GLB1L3: variants seen among roughly 807,000 people sequenced by gnomAD.
The protein encoded by GLB1L3 is beta-galactosidase-1-like protein 3.
In GLB1L3, 89 loss-of-function variants were observed where a neutral mutation model predicts 89.5. The ratio of observed to expected loss-of-function variants is 0.99; its 90% CI spans 0.84 to 1.19. The LOEUF is 1.19. Among genes scored for constraint, GLB1L3 ranks in the 50% most tolerant of loss-of-function variants. GLB1L3 has a pLI of 0.00. For synonymous variants in GLB1L3, 314 were observed against 312.3 expected, an observed-to-expected ratio of 1.01 and a Z score of -0.06; for missense variants, 812 against 813.3, an observed-to-expected ratio of 1.00 and a Z score of 0.02.
At chr11:134,277,542 C>T (rs1591526854) in intron 2 of GLB1L3, 91 bp downstream of exon 2, 1 of 1,548,488 alleles carries the variant, frequency 6.5e-7, no homozygotes, top group Non-Finnish European at 8.8e-7. Context: ...CAGAACACGT[C>T]CTACTAACAT....
intron 3 of GLB1L3, 86 bp from the exon 4 acceptor site, chr11:134,281,291 G>GT: frequency 2.7e-6 from 4 of 1,488,928 alleles, no homozygotes; most frequent in Non-Finnish European, 2.8e-6. Flanking sequence ...GCTATGCATG[G>GT]TTTTGGCTTG....
intron 18 of GLB1L3, among the ~76,000 whole-genome samples, chr11:134,315,110 T>A (rs976731855): frequency 6.6e-6 from 1 of 152,230 alleles, no homozygotes; most frequent in African/African-American, 2.4e-5. Context: ...TTTTTAAATA[T>A]GTTTTCTTTT....
chr11:134,308,608 CACCACCACT>C (rs1271569839), intron 10 of GLB1L3, among the ~76,000 whole-genome samples: 2 of 148,534 alleles, frequency 1.3e-5, no homozygotes, highest in Non-Finnish European at 3.0e-5. Context: ...CCTCCACCAC[CACCACCACT>C]ATCACCACCA....
chr11:134,310,130 CTT>C (rs771056519), intron 11 of GLB1L3: 18 of 389,134 alleles, frequency 4.6e-5, no homozygotes, highest in Non-Finnish European at 7.0e-5. Context: ...GGTGTCCACT[CTT>C]TTGGCTTCCC....
intron 6 of GLB1L3, among the ~76,000 whole-genome samples, chr11:134,284,416 A>G (rs1387901828): frequency 6.6e-6 from 1 of 151,938 alleles, no homozygotes; most frequent in Non-Finnish European, 1.5e-5. Context: ...CCTAGTAGGG[A>G]TGTATCATAA....
intron 2 of GLB1L3, 47 bp downstream of exon 2, chr11:134,277,498 C>G: frequency 6.2e-7 from 1 of 1,600,184 alleles, no homozygotes; most frequent in Non-Finnish European, 8.5e-7. Flanking sequence ...AGCGATCTCT[C>G]CTTTCTTGGA....
chr11:134,308,270 A>ACCC (rs1942367133), intron 10 of GLB1L3, among the ~76,000 whole-genome samples: 1 of 42,392 alleles, frequency 2.4e-5, no homozygotes, highest in Non-Finnish European at 4.9e-5. Flanking sequence ...CACCACCACC[A>ACCC]CCACCACCAC....
intron 9 of GLB1L3, among the ~76,000 whole-genome samples, chr11:134,294,382 A>G (rs567138037): frequency 1.3e-5 from 2 of 152,242 alleles, no homozygotes; most frequent in Admixed American, 6.5e-5. Flanking sequence ...ATCAATTTCT[A>G]TACAGTTTCC....
chr11:134,278,367 T>G (rs1040337736), intron 3 of GLB1L3, among the ~76,000 whole-genome samples: 2 of 152,106 alleles, frequency 1.3e-5, no homozygotes, highest in Non-Finnish European at 2.9e-5. Flanking sequence ...TCACGGCAGC[T>G]TCTACTTCTC....
chr11:134,293,347 C>A (rs1207517409), intron 9 of GLB1L3, 138 bp downstream of exon 9: 9 of 689,178 alleles, frequency 1.3e-5, no homozygotes, highest in Non-Finnish European at 2.2e-5. Flanking sequence ...AGGTTCCAAG[C>A]CATTTTGGGA....
chr11:134,304,161 A>G (rs1942076560), intron 9 of GLB1L3, among the ~76,000 whole-genome samples: 1 of 152,092 alleles, frequency 6.6e-6, no homozygotes, highest in Non-Finnish European at 1.5e-5. Flanking sequence ...AATTCCAGCT[A>G]AATTCATTAA....
rs1364764953 is a variant in GLB1L3 at position 134,277,684 on chromosome 11, C to T, written c.150-16C>T. The stretch of plus-strand genomic sequence containing the variant: ...CTCTCCCTTTCCACTTTCTTTCCCT[C>T]GCCCGCCCCCTCCAGGTTTAATTGG... On this transcript the variant is annotated splice_polypyrimidine_tract_variant and intron_variant, in intron 2 of 19. Transcript: ENST00000431683. 6.3e-7 allele frequency: 1 copy of T among 1,591,982 alleles called. No homozygotes were observed. The highest frequency in any genetic ancestry group is 8.6e-7 in the Non-Finnish European group (1 of 1,168,344).
At chr11:134,296,672 T>G (rs1387494072) in intron 9 of GLB1L3, among the ~76,000 whole-genome samples, 2 of 119,802 alleles carry the variant, frequency 1.7e-5, no homozygotes, top group Non-Finnish European at 3.2e-5. Context: ...AAGGGGAACA[T>G]CACACTCTGG....
chr11:134,299,159 G>T (rs893122870), intron 9 of GLB1L3, among the ~76,000 whole-genome samples: 6 of 151,464 alleles, frequency 4.0e-5, no homozygotes, highest in African/African-American at 1.2e-4. Context: ...ATTTCCATTT[G>T]CTTCTTTCTT....
Position 134,302,956 on chromosome 11 carries a change from C to A in GLB1L3, c.877-4168C>A, listed in dbSNP as rs74500510. On this transcript the variant is annotated intron_variant, in intron 9 of 19. Transcript: ENST00000431683. ...ATCATAATTGCAGATTTGCATATTT[C>A]TACCAGTAGACCTTAGTATTTTACC... is the stretch of plus-strand genomic sequence containing the variant. Among the ~76,000 whole-genome samples, 202 of 152,292 alleles carry A rather than the reference C, an allele frequency of 1.3e-3. 1 individual carries two copies. Among genetic ancestry groups the A allele is most frequent in the African/African-American group, 4.5e-3 (189 of 41,560 alleles).
At chr11:134,308,595 TCACCTCCACCACCAC>T (rs1280956967) in intron 10 of GLB1L3, among the ~76,000 whole-genome samples, 12 of 110,690 alleles carry the variant, frequency 1.1e-4, no homozygotes, top group Non-Finnish European at 1.8e-4. Flanking sequence ...ATCATCACCA[TCACCTCCACCACCAC>T]CACCACTATC....
chr11:134,293,250 A>G lies in GLB1L3; in HGVS notation c.876+41A>G, dbSNP rs539859352. On this transcript the variant is annotated intron_variant, in intron 9 of 19. Coordinates refer to ENST00000431683, the MANE Select transcript of GLB1L3 (RefSeq NM_001080407.3). The stretch of plus-strand genomic sequence containing the variant: ...CAGGCAGGGTTTTACAGCTCCTCCT[A>G]CCATGACCTCCCTTGCCTATGTAGC... 5 of 1,486,284 alleles carry G rather than the reference A, an allele frequency of 3.4e-6. No individual in the cohort carries two copies. The Admixed American group carries it at 5.0e-5, about 15-fold the overall frequency. 92.1% of individuals were successfully genotyped at this position (1,486,284 alleles called of 1,614,324 possible).
At chr11:134,313,879 A>G (rs1380989449) in intron 16 of GLB1L3, 62 bp from the exon 17 acceptor site, 3 of 1,066,734 alleles carry the variant, frequency 2.8e-6, no homozygotes, top group East Asian at 4.9e-5. Context: ...TTTGTCCCAG[A>G]TGCTAGAGAA....
chr11:134,285,819 A>G (rs1021996088), intron 6 of GLB1L3, among the ~76,000 whole-genome samples: 7 of 151,956 alleles, frequency 4.6e-5, no homozygotes, highest in African/African-American at 9.7e-5. Context: ...TAGTAGGCTG[A>G]TATCTTACTC....
Sources: gnomAD v4.1 joint callset for allele counts (sites outside exome capture counted in the v4.1 genomes callset) on GRCh38, gnomAD v4.1.1 for gene constraint, MANE v1.5 for transcripts, NCBI Gene and HGNC (gene_info 2026-07-23, HGNC 2026-07-21) for gene names.